ADH7: variants seen among roughly 807,000 people sequenced by gnomAD.
ADH7 encodes the protein alcohol dehydrogenase 7 (class IV), mu or sigma polypeptide, also known as all-trans-retinol dehydrogenase [NAD(+)] ADH7.
In ADH7, 41 loss-of-function variants were observed where a neutral mutation model predicts 34.4. The observed-to-expected ratio is 1.19, with a 90% confidence interval of 0.93 to 1.55. ADH7 has a LOEUF of 1.55. Among genes scored for constraint, ADH7 ranks in the 40% most tolerant of loss-of-function variants. The probability of loss-of-function intolerance (pLI) is 0.00; values close to 1 mark genes in which losing one functional copy is unlikely to be tolerated. For synonymous variants in ADH7, 180 were observed against 160.9 expected (o/e 1.12, Z -0.90); for missense variants, 540 against 461.2 (o/e 1.17, Z -1.56).
At position 99,428,609 on chromosome 4, in the gene ADH7, G is replaced by A. The variant is rs776254383; in HGVS notation, c.142C>T (p.Arg48Cys). ...CCTTTTATCACATGGTCATCTGTGC[G>A]ACAGATTCCTGTGGCCAAAATCTGT... is the stretch of plus-strand genomic sequence containing the variant. ...RIKILATGIC[R>C]TDDHVIKGTM... Residue 48 changes from arginine (R) to cysteine (C), a missense_variant, in exon 3 of 9, where the codon CGC becomes TGC. Coordinates refer to ENST00000437033, the MANE Select transcript of ADH7 (RefSeq NM_000673.7). The A allele has an allele frequency of 2.9e-5, 46 of 1,612,848 alleles. No homozygotes were observed. The highest frequency in any genetic ancestry group is 4.4e-5 in the South Asian group (4 of 90,718).
chr4:99,417,133 T>G (rs937862750), intron 7 of ADH7, among the ~76,000 whole-genome samples: 42 of 152,214 alleles, frequency 2.8e-4, no homozygotes, highest in African/African-American at 9.6e-4. Flanking sequence ...TTGCCCCATT[T>G]AGAGTATTCC....
intron 1 of ADH7, among the ~76,000 whole-genome samples, chr4:99,432,908 G>T (rs1031081206): frequency 1.3e-5 from 2 of 152,060 alleles, no homozygotes; most frequent in Non-Finnish European, 2.9e-5. Flanking sequence ...TAGTTCCTGG[G>T]CTCAAGTGGT....
Position 99,423,113 on chromosome 4 carries a change from T to A in ADH7, c.565-2320A>T, listed in dbSNP as rs539018116. ...TCATTGTTCAATTCCTATCTATGAGTGAGAACATGCGGTGTTTGTTTTTTT... is the reference window on the plus strand; with the variant it reads ...TCATTGTTCAATTCCTATCTATGAGAGAGAACATGCGGTGTTTGTTTTTTT... On this transcript the variant is annotated intron_variant, in intron 5 of 8. Coordinates refer to ENST00000437033, the MANE Select transcript of ADH7 (RefSeq NM_000673.7). Among the ~76,000 whole-genome samples the A allele has an allele frequency of 2.2e-4, 33 of 148,772 alleles. No homozygotes were observed. The East Asian group carries it at 6.4e-3, about 29-fold the overall frequency.
intron 5 of ADH7, among the ~76,000 whole-genome samples, chr4:99,423,986 T>A (rs1409933073): frequency 6.6e-6 from 1 of 151,926 alleles, no homozygotes; most frequent in Middle Eastern, 3.2e-3. Flanking sequence ...TGCCTAGGTT[T>A]TCTTCTAGGG....
At chr4:99,418,275 A>C (rs1295035943) in intron 7 of ADH7, among the ~76,000 whole-genome samples, 1 of 152,102 alleles carries the variant, frequency 6.6e-6, no homozygotes, top group Admixed American at 6.6e-5. Context: ...CTCTAAGTGA[A>C]GAACAATCAT....
At chr4:99,425,993 G>C (rs1354313927) in intron 5 of ADH7, among the ~76,000 whole-genome samples, 1 of 152,154 alleles carries the variant, frequency 6.6e-6, no homozygotes, top group Non-Finnish European at 1.5e-5. Context: ...CAGAAATAAA[G>C]ATGTTCTTTG....
chr4:99,422,878 TTTA>T (rs1211913683), intron 5 of ADH7, among the ~76,000 whole-genome samples: 20 of 149,206 alleles, frequency 1.3e-4, no homozygotes, highest in African/African-American at 2.0e-4. Context: ...TATTTATTTA[TTTA>T]TTATTATTAT....
At chr4:99,428,734 C>A in intron 2 of ADH7, 104 bp from the exon 3 acceptor site, 5 of 1,402,792 alleles carry the variant, frequency 3.6e-6, no homozygotes, top group South Asian at 1.4e-5. Context: ...TAATCAATAT[C>A]TTTGCCTAAT....
At chr4:99,433,623 A>G (rs1022887675) in intron 1 of ADH7, among the ~76,000 whole-genome samples, 19 of 152,130 alleles carry the variant, frequency 1.2e-4, no homozygotes, top group Non-Finnish European at 2.2e-4. Context: ...AAAATGTGGT[A>G]ATCAGGGTGG....
intron 1 of ADH7, among the ~76,000 whole-genome samples, chr4:99,432,334 G>A (rs920055492): frequency 1.3e-5 from 2 of 152,076 alleles, no homozygotes; most frequent in Non-Finnish European, 2.9e-5. Flanking sequence ...GGTGGAGGGA[G>A]GGTAAGGATG....
intron 7 of ADH7, among the ~76,000 whole-genome samples, chr4:99,417,921 T>C (rs1008024520): frequency 1.3e-5 from 2 of 152,182 alleles, no homozygotes; most frequent in African/African-American, 4.8e-5. Context: ...ACCTCATCCA[T>C]ACCAACTAGC....
intron 5 of ADH7, among the ~76,000 whole-genome samples, chr4:99,426,557 G>A (rs1400904545): frequency 6.6e-6 from 1 of 152,126 alleles, no homozygotes; most frequent in African/African-American, 2.4e-5. Context: ...CTGAAATTGT[G>A]GCAATAATCA....
chr4:99,419,748 T>C (rs1172173571), intron 6 of ADH7, among the ~76,000 whole-genome samples: 2 of 152,198 alleles, frequency 1.3e-5, no homozygotes, highest in Admixed American at 6.6e-5. Context: ...CAAAAACTTA[T>C]GACCTAGAAT....
chr4:99,419,194 A>G (rs1721592529), intron 6 of ADH7, 73 bp from the exon 7 acceptor site: 1 of 1,482,658 alleles, frequency 6.7e-7, no homozygotes, highest in Non-Finnish European at 9.0e-7. Flanking sequence ...GAAATGACCT[A>G]TGTACTATGA....
chr4:99,417,521 A>G (rs1244401000), intron 7 of ADH7, among the ~76,000 whole-genome samples: 1 of 152,108 alleles, frequency 6.6e-6, no homozygotes, highest in Non-Finnish European at 1.5e-5. Flanking sequence ...CCTCCACCCC[A>G]GTCCTCTGGC....
rs371551288 is a variant in ADH7, at chr4:99,427,794, G to A, written c.543C>T (p.Gly181=). 2.3e-5 allele frequency: 36 copies of A among 1,586,076 alleles called. No individual in the cohort carries two copies. In the African/African-American group the frequency reaches 2.8e-4, roughly 12 times the overall value. ...TTACCTTGCCAGTTTTAACAGCAGC[G>A]CCATATCCAGTGGAAAACCCACAGC... ...LIGCGFSTGY[G]AAVKTGKVKP... The change falls in exon 5 of 9, where the codon GGC becomes GGT. Residue 181 remains glycine, a synonymous_variant. Coordinates refer to ENST00000437033, the MANE Select transcript of ADH7 (RefSeq NM_000673.7).
chr4:99,424,585 G>A (rs1721753541), intron 5 of ADH7, among the ~76,000 whole-genome samples: 1 of 152,112 alleles, frequency 6.6e-6, no homozygotes, highest in African/African-American at 2.4e-5. Context: ...TCCTTGAAGA[G>A]GTCCTTCACA....
At chr4:99,426,973 C>T (rs1721822263) in intron 5 of ADH7, among the ~76,000 whole-genome samples, 1 of 152,146 alleles carries the variant, frequency 6.6e-6, no homozygotes, top group Non-Finnish European at 1.5e-5. Context: ...ATGATTATCT[C>T]AATAGATGCA....
chr4:99,418,954 C>T (rs1270403355), intron 7 of ADH7, 32 bp downstream of exon 7: 1 of 1,609,514 alleles, frequency 6.2e-7, no homozygotes, highest in Admixed American at 1.7e-5. Context: ...TGAAAGCCAT[C>T]ACTCCCCATC....
Sources: allele counts gnomAD v4.1 joint callset (sites outside exome capture counted in the v4.1 genomes callset), GRCh38; gene constraint gnomAD v4.1.1; transcripts MANE v1.5; gene names NCBI Gene and HGNC (gene_info 2026-07-23, HGNC 2026-07-21).